SPG7: variants seen among roughly 807,000 people sequenced by gnomAD.
The protein encoded by SPG7 is SPG7 matrix AAA peptidase subunit, paraplegin, also known as mitochondrial inner membrane m-AAA protease component paraplegin.
A neutral mutation model predicts 81.9 loss-of-function variants in SPG7; 103 were observed. The ratio of observed to expected loss-of-function variants is 1.26; its 90% CI spans 1.07 to 1.48. The LOEUF is 1.48. Ranked by LOEUF, SPG7 falls within the 40% of genes most tolerant of loss-of-function variation. The pLI, the probability that SPG7 is intolerant of heterozygous loss-of-function variation, is 0.00. For missense variants in SPG7, 1,241 were observed against 1,087.3 expected, an observed-to-expected ratio of 1.14 and a Z score of -1.99; for synonymous variants, 534 against 444.2, an observed-to-expected ratio of 1.20 and a Z score of -2.54.
At chr16:89,540,470 T>A (rs2152407430) in intron 9 of SPG7, 1 of 152,184 alleles carries the variant, frequency 6.6e-6, no homozygotes. Context: ...CCTGTAGTCT[T>A]AGCTGCTCAG....
intron 6 of SPG7, chr16:89,530,404 A>G (rs556792663): frequency 4.3e-6 from 2 of 466,468 alleles, no homozygotes; most frequent in Non-Finnish European, 7.9e-6. Context: ...TCGGCCTCCC[A>G]AAGTGCTAGG....
chr16:89,534,000 CCT>C lies in SPG7; in HGVS notation c.1324+1365_1324+1366del, dbSNP rs527851805. Among the ~76,000 whole-genome samples the C allele has an allele frequency of 1.1e-3, 164 of 152,202 alleles. 1 individual carries two copies. Among genetic ancestry groups the C allele is most frequent in the African/African-American group, 3.8e-3 (157 of 41,502 alleles). ...TGCAGCCTGGACAACACAGCGAGAC[CCT>C]GTCTCTAAAAGACAATGAATACGTT... On this transcript the variant is annotated intron_variant, in intron 9 of 16. Coordinates refer to ENST00000645818, the MANE Select transcript of SPG7 (RefSeq NM_003119.4).
chr16:89,532,657 C>T (rs754643772), intron 9 of SPG7, 21 bp downstream of exon 9: 2 of 1,612,604 alleles, frequency 1.2e-6, no homozygotes, highest in Non-Finnish European at 1.7e-6. Context: ...GTGCGCCCCG[C>T]ACCCCCATTG....
At chr16:89,531,473 A>C in intron 7 of SPG7, 1 of 225,012 alleles carries the variant, frequency 4.4e-6, no homozygotes, top group Non-Finnish European at 9.1e-6. Flanking sequence ...TCCCCAGTTC[A>C]AGTGATTCTC....
At chr16:89,508,885 C>T (rs1345365291) in intron 1 of SPG7, 2 of 625,478 alleles carry the variant, frequency 3.2e-6, no homozygotes, top group Non-Finnish European at 6.0e-6. Context: ...CCGTCTTCCT[C>T]GCCTTTTAAA....
chr16:89,526,226 G>A (rs1293603671), intron 4 of SPG7, 103 bp from the exon 5 acceptor site: 9 of 1,329,826 alleles, frequency 6.8e-6, no homozygotes, highest in Non-Finnish European at 9.7e-6. Context: ...TCACAATGCT[G>A]AGGTTGTCAT....
chr16:89,511,866 G>A (rs903092556), intron 2 of SPG7, among the ~76,000 whole-genome samples: 1 of 152,136 alleles, frequency 6.6e-6, no homozygotes, highest in Non-Finnish European at 1.5e-5. Context: ...AGTCAGGCAT[G>A]TGTCACCACG....
chr16:89,530,973 C>G (rs1164679284), intron 7 of SPG7, 165 bp downstream of exon 7: 27 of 862,160 alleles, frequency 3.1e-5, no homozygotes, highest in Non-Finnish European at 5.1e-5. Context: ...GGTGCCTGTT[C>G]AACCAGCAGC....
At chr16:89,554,382 G>A in intron 15 of SPG7, 104 bp from the exon 16 acceptor site, 2 of 793,286 alleles carry the variant, frequency 2.5e-6, no homozygotes, top group Non-Finnish European at 4.3e-6. Flanking sequence ...TGTTCCTCCT[G>A]GGAGGGGAAA....
chr16:89,520,080 G>A (rs12919314), intron 3 of SPG7: 20,050 of 152,316 alleles, frequency 0.13, 1,677 homozygotes, highest in Middle Eastern at 0.2. Flanking sequence ...GCGCCTTGGC[G>A]GACAGCCTCA....
intron 16 of SPG7, 72 bp from the exon 17 acceptor site, chr16:89,556,815 C>A: frequency 8.0e-7 from 1 of 1,256,690 alleles, no homozygotes; most frequent in Non-Finnish European, 1.2e-6. Context: ...ACGCCTCTTG[C>A]CACCTCCCCA....
intron 9 of SPG7, among the ~76,000 whole-genome samples, chr16:89,534,271 A>T (rs543652316): frequency 6.6e-6 from 1 of 152,116 alleles, no homozygotes; most frequent in Non-Finnish European, 1.5e-5. Flanking sequence ...GTCCTTTGCT[A>T]TCCGCCTTCT....
At chr16:89,527,369 G>C (rs1174911862) in intron 5 of SPG7, 1 of 152,262 alleles carries the variant, frequency 6.6e-6, no homozygotes, top group Non-Finnish European at 1.5e-5. Flanking sequence ...CAAATGGTCA[G>C]AGTGAGTGTG....
chr16:89,550,611 T>C lies in SPG7; in HGVS notation c.1779+2T>C. ...GAGCACACGGAGGCCGTGATGAAGG[T>C]GGGTCTTGGCAGGTGCCGGCTCCAC... On this transcript the variant is annotated splice_donor_variant, in intron 13 of 16. Coordinates refer to ENST00000645818, the MANE Select transcript of SPG7 (RefSeq NM_003119.4). LOFTEE classifies it high-confidence loss of function. The C allele has an allele frequency of 6.2e-7, 1 of 1,610,426 alleles. No individual in the cohort carries two copies. The highest frequency in any genetic ancestry group is 1.1e-5 in the South Asian group (1 of 91,032).
chr16:89,528,002 G>A (rs947823173), intron 5 of SPG7, among the ~76,000 whole-genome samples: 1 of 152,150 alleles, frequency 6.6e-6, no homozygotes, highest in Non-Finnish European at 1.5e-5. Context: ...CTCTGAGGCT[G>A]TGTGTCTCAT....
At chr16:89,511,645 G>A (rs889083841) in intron 2 of SPG7, among the ~76,000 whole-genome samples, 11 of 152,210 alleles carry the variant, frequency 7.2e-5, no homozygotes, top group African/African-American at 1.4e-4. Flanking sequence ...AGTGGCAACC[G>A]GGGCCGTTTC....
intron 9 of SPG7, chr16:89,541,105 A>G (rs1014446456): frequency 2.0e-6 from 2 of 983,228 alleles, no homozygotes; most frequent in Non-Finnish European, 2.4e-6. Flanking sequence ...TGTACGCAGA[A>G]ATAGAAGAGC....
chr16:89,535,703 C>T (rs1301982074), intron 9 of SPG7, among the ~76,000 whole-genome samples: 1 of 152,188 alleles, frequency 6.6e-6, no homozygotes, highest in Admixed American at 6.5e-5. Flanking sequence ...TTCAGGGACC[C>T]CACCGCCTCT....
chr16:89,546,292 G>A (rs948132520), intron 10 of SPG7: 1 of 333,540 alleles, frequency 3.0e-6, no homozygotes, highest in Non-Finnish European at 5.9e-6. Context: ...CACCGTGTTG[G>A]CCAGACTGCC....
Sources: gnomAD v4.1 joint callset for allele counts (sites outside exome capture counted in the v4.1 genomes callset) on GRCh38, gnomAD v4.1.1 for gene constraint, MANE v1.5 for transcripts, NCBI Gene and HGNC (gene_info 2026-07-23, HGNC 2026-07-21) for gene names.